DNAH11: variants seen among roughly 807,000 people sequenced by gnomAD.
The protein encoded by DNAH11 is axonemal beta dynein heavy chain 11.
A neutral mutation model predicts 526.0 loss-of-function variants in DNAH11; 442 were observed. The ratio of observed to expected loss-of-function variants is 0.84; its 90% confidence interval spans 0.78 to 0.91. The LOEUF (loss-of-function observed/expected upper bound fraction) is 0.91. Ranked by LOEUF, DNAH11 falls within the 40% of genes least tolerant of loss-of-function variation. DNAH11 has a pLI of 0.00. For missense variants in DNAH11, 6,989 were observed against 5,448.7 expected, an observed-to-expected ratio of 1.28 and a Z score of -8.90; for synonymous variants, 2,461 against 1,935.9, an observed-to-expected ratio of 1.27 and a Z score of -7.12.
rs981268726 is a variant in DNAH11 at position 21,554,399 on chromosome 7, C to T, written c.496-4403C>T. On this transcript the variant is annotated intron_variant, in intron 2 of 81. Coordinates refer to ENST00000409508, the MANE Select transcript of DNAH11 (RefSeq NM_001277115.2). ...CATGTTGGCTAGGCTGGTCTTGAGG[C>T]CCTGACCTCAGGTGATCTACCCATC... is the stretch of plus-strand genomic sequence containing the variant. Among the ~76,000 whole-genome samples the T allele has an allele frequency of 1.1e-4, 17 of 152,062 alleles. No individual in the cohort carries two copies. In the East Asian group the frequency reaches 1.9e-3, roughly 17 times the overall value.
intron 30 of DNAH11, among the ~76,000 whole-genome samples, chr7:21,670,682 A>T (rs1782609763): frequency 6.6e-6 from 1 of 152,184 alleles, no homozygotes; most frequent in African/African-American, 2.4e-5. Context: ...GCCCCTTATC[A>T]GATAGAGGAA....
chr7:21,694,680 A>G (rs1783773992), intron 35 of DNAH11, among the ~76,000 whole-genome samples: 1 of 152,160 alleles, frequency 6.6e-6, no homozygotes, highest in African/African-American at 2.4e-5. Flanking sequence ...ACGTCTTTAT[A>G]GTAGAATGAT....
At chr7:21,698,733 C>A (rs1211602745) in intron 36 of DNAH11, among the ~76,000 whole-genome samples, 2 of 152,062 alleles carry the variant, frequency 1.3e-5, no homozygotes, top group African/African-American at 2.4e-5. Flanking sequence ...GACATTTAGG[C>A]TAGTCCATAT....
intron 39 of DNAH11, among the ~76,000 whole-genome samples, chr7:21,706,495 A>G (rs1450158260): frequency 1.3e-5 from 2 of 152,206 alleles, no homozygotes; most frequent in African/African-American, 2.4e-5. Context: ...AGTGAAAAAT[A>G]TAATAAATGA....
chr7:21,755,485 T>C (rs1441020826), intron 54 of DNAH11, among the ~76,000 whole-genome samples: 1 of 152,190 alleles, frequency 6.6e-6, no homozygotes, highest in African/African-American at 2.4e-5. Flanking sequence ...ATTTTAGATA[T>C]TTGCCTCATT....
At position 21,738,708 on chromosome 7, in the gene DNAH11, T is replaced by C. The variant is rs541595891; in HGVS notation, c.7653T>C (p.Leu2551=). The C allele has an allele frequency of 6.4e-6, 10 of 1,570,730 alleles. No individual in the cohort carries two copies. In the East Asian group the frequency reaches 2.3e-4, roughly 36 times the overall value. The change falls in exon 47 of 82, where the codon CTT becomes CTC. Residue 2551 remains leucine, a synonymous_variant. Coordinates refer to ENST00000409508, the MANE Select transcript of DNAH11 (RefSeq NM_001277115.2). ...AATATATGTTTATTTCAGAAATTCTTGAGAAACCCCTAGAGAAAAAAGCTG... is the reference window on the plus strand; with the variant it reads ...AATATATGTTTATTTCAGAAATTCTCGAGAAACCCCTAGAGAAAAAAGCTG... ...YTTSTALQKI[L]EKPLEKKAGH...
chr7:21,841,600 G>A (rs1051974267), intron 65 of DNAH11, among the ~76,000 whole-genome samples: 5 of 152,084 alleles, frequency 3.3e-5, no homozygotes, highest in African/African-American at 1.2e-4. Flanking sequence ...GTGTGAGTGA[G>A]TGAGTGTGGG....
chr7:21,639,192 T>A (rs1025356013), intron 28 of DNAH11, 127 bp downstream of exon 28: 124 of 1,178,352 alleles, frequency 1.1e-4, no homozygotes, highest in Non-Finnish European at 1.3e-4. Flanking sequence ...GCAGTTAAAA[T>A]TTGTAATGTA....
intron 57 of DNAH11, among the ~76,000 whole-genome samples, chr7:21,782,479 C>T (rs1383284672): frequency 6.6e-6 from 1 of 152,182 alleles, no homozygotes; most frequent in African/African-American, 2.4e-5. Context: ...AGTTGACCAA[C>T]CTGAGAATCC....
intron 5 of DNAH11, among the ~76,000 whole-genome samples, chr7:21,563,689 A>G (rs543776066): frequency 2.0e-5 from 3 of 152,180 alleles, no homozygotes; most frequent in Non-Finnish European, 2.9e-5. Flanking sequence ...TTTAAGTTAA[A>G]CCTTTATTAA....
chr7:21,865,096 A>T (rs1783222112), intron 70 of DNAH11, among the ~76,000 whole-genome samples: 1 of 152,208 alleles, frequency 6.6e-6, no homozygotes, highest in Non-Finnish European at 1.5e-5. Context: ...TTTAAGAAAA[A>T]CAGAATATTT....
chr7:21,825,455 T>C (rs1404423612), intron 65 of DNAH11, among the ~76,000 whole-genome samples: 1 of 152,198 alleles, frequency 6.6e-6, no homozygotes, highest in Non-Finnish European at 1.5e-5. Context: ...TTTTCCAAAG[T>C]GTTTAGAAAT....
At chr7:21,621,299 A>G (rs921642441) in intron 25 of DNAH11, among the ~76,000 whole-genome samples, 8 of 152,216 alleles carry the variant, frequency 5.3e-5, no homozygotes, top group African/African-American at 1.9e-4. Context: ...GAATAGACCA[A>G]TAACAGGCTC....
At position 21,738,838 on chromosome 7, in the gene DNAH11, A is replaced by C. The variant is rs1785738598; in HGVS notation, c.7783A>C (p.Ile2595Leu). The C allele has an allele frequency of 6.2e-7, 1 of 1,603,138 alleles. No individual in the cohort carries two copies. Among genetic ancestry groups the C allele is most frequent in the Non-Finnish European group, 8.5e-7 (1 of 1,175,464 alleles). The change falls in exon 47 of 82, where the codon ATC (isoleucine) becomes CTC (leucine). Residue 2595 changes from isoleucine (I) to leucine (L), a missense_variant. Ile to Leu is a conservative substitution (Grantham distance 5, BLOSUM62 2). Transcript: ENST00000409508. ...LYGTVQPHTL[I>L]RQHIDYGHWY... ...TGGCACCGTTCAGCCTCACACCCTG[A>C]TCCGGCAGCATATTGATTATGGACA...
rs867364591 is a variant in DNAH11 at position 21,822,323 on chromosome 7, G to C, written c.10691+3984G>C. Among the ~76,000 whole-genome samples the C allele has an allele frequency of 2.0e-5, 3 of 152,244 alleles. No homozygotes were observed. In the South Asian group the frequency reaches 6.2e-4, roughly 32 times the overall value. On this transcript the variant is annotated intron_variant, in intron 65 of 81. Transcript: ENST00000409508. Reference sequence around the variant, plus strand: ...ACACAGCAAGAAAGGGAGCAATAGAGAATGGGCAGGAGGAGCCAGGCTCTT... The same window carrying C: ...ACACAGCAAGAAAGGGAGCAATAGACAATGGGCAGGAGGAGCCAGGCTCTT...
intron 4 of DNAH11, among the ~76,000 whole-genome samples, chr7:21,560,059 G>A (rs1783392815): frequency 6.6e-6 from 1 of 152,172 alleles, no homozygotes; most frequent in Admixed American, 6.5e-5. Context: ...GGGAAGCGTT[G>A]AAGACTGGAA....
At chr7:21,634,165 AT>A (rs1271605143) in intron 25 of DNAH11, among the ~76,000 whole-genome samples, 2 of 152,228 alleles carry the variant, frequency 1.3e-5, no homozygotes, top group African/African-American at 4.8e-5. Context: ...TTATTGGTTT[AT>A]TCAGTGTGAA....
intron 42 of DNAH11, among the ~76,000 whole-genome samples, chr7:21,716,371 CT>C (rs1784662992): frequency 6.6e-6 from 1 of 152,178 alleles, no homozygotes; most frequent in South Asian, 2.1e-4. Context: ...AATGTAAGCA[CT>C]TTATACATGC....
At chr7:21,730,296 A>G (rs1439000895) in intron 45 of DNAH11, among the ~76,000 whole-genome samples, 1 of 152,220 alleles carries the variant, frequency 6.6e-6, no homozygotes, top group African/African-American at 2.4e-5. Flanking sequence ...CAGGTTGAGC[A>G]TCTCTAATTC....
Sources: gnomAD v4.1 joint callset for allele counts (sites outside exome capture counted in the v4.1 genomes callset) on GRCh38, gnomAD v4.1.1 for gene constraint, MANE v1.5 for transcripts, NCBI Gene and HGNC (gene_info 2026-07-23, HGNC 2026-07-21) for gene names.